ZC4H2: variants seen among roughly 807,000 people sequenced by gnomAD.
The protein encoded by ZC4H2 is zinc finger C4H2 domain-containing protein.
For synonymous variants in ZC4H2, 84 were observed against 66.3 expected (o/e 1.27, Z -1.30); for missense variants, 137 against 173.9 (o/e 0.79, Z 1.19).
chrX:64,928,681 C>CT (rs1449063010), intron 1 of ZC4H2, among the ~76,000 whole-genome samples: 1 of 101,923 alleles, frequency 9.8e-6, no homozygotes, highest in East Asian at 3.1e-4. Context: ...TCTTCTTCTT[C>CT]TTCCTCCTCC....
chrX:65,015,997 C>T (rs1308195288), intron 1 of ZC4H2, among the ~76,000 whole-genome samples: 1 of 111,240 alleles, frequency 9.0e-6, no homozygotes, highest in African/African-American at 3.3e-5. Context: ...GATATATAGC[C>T]AAAAAAGTTC....
At position 65,000,339 on chromosome X, in the gene ZC4H2, G is replaced by T. The variant is rs192000378; in HGVS notation, c.-272+34290C>A. 7.3e-4 allele frequency among the ~76,000 whole-genome samples: 82 copies of T among 111,629 alleles called. 1 individual carries two copies. The East Asian group carries it at 0.022, about 30-fold the overall frequency. On this transcript the variant is annotated intron_variant, in intron 1 of 4. Transcript: ENST00000337990. The stretch of plus-strand genomic sequence containing the variant: ...GATCTCCAGCAAACTCCAGCAGAGG[G>T]GCCTGACTGTTAGAAGGAAAACTAA...
chrX:64,948,548 A>G (rs909690932), intron 1 of ZC4H2, among the ~76,000 whole-genome samples: 3 of 111,849 alleles, frequency 2.7e-5, no homozygotes, highest in African/African-American at 9.7e-5. Flanking sequence ...TCTGGCTAAC[A>G]CATGCATAAA....
chrX:65,013,871 G>GA (rs1394676400), intron 1 of ZC4H2, among the ~76,000 whole-genome samples: 2 of 111,222 alleles, frequency 1.8e-5, no homozygotes, highest in Non-Finnish European at 3.8e-5. Flanking sequence ...AACAATTACA[G>GA]AAAAGAAATG....
intron 1 of ZC4H2, among the ~76,000 whole-genome samples, chrX:64,940,195 C>A (rs1389148224): frequency 8.9e-6 from 1 of 112,002 alleles, no homozygotes; most frequent in Non-Finnish European, 1.9e-5. Flanking sequence ...TTGTTGGCCA[C>A]ATAAATGTCT....
chrX:64,942,026 T>A (rs1198011348), intron 1 of ZC4H2, among the ~76,000 whole-genome samples: 2 of 108,850 alleles, frequency 1.8e-5, no homozygotes, highest in Non-Finnish European at 3.9e-5. Context: ...GGCCCTGGAC[T>A]TTTTTTTGGT....
At chrX:64,966,775 C>T (rs1380290561) in intron 1 of ZC4H2, among the ~76,000 whole-genome samples, 2 of 111,946 alleles carry the variant, frequency 1.8e-5, no homozygotes, top group Non-Finnish European at 3.8e-5. Context: ...AAATATATTA[C>T]AGGTTTCCTG....
intron 1 of ZC4H2, among the ~76,000 whole-genome samples, chrX:64,951,941 G>A (rs1230242090): frequency 8.1e-5 from 9 of 111,288 alleles, no homozygotes; most frequent in South Asian, 7.5e-4. Flanking sequence ...TAGGTCTAAC[G>A]TTTAAGTCTT....
At chrX:65,017,521 T>A (rs919718041) in intron 1 of ZC4H2, among the ~76,000 whole-genome samples, 2 of 111,538 alleles carry the variant, frequency 1.8e-5, no homozygotes, top group Non-Finnish European at 3.8e-5. Flanking sequence ...ATGTACTATG[T>A]AGAAATTGAA....
chrX:64,975,500 C>T (rs1168851906), intron 1 of ZC4H2, among the ~76,000 whole-genome samples: 1 of 112,059 alleles, frequency 8.9e-6, no homozygotes, highest in African/African-American at 3.2e-5. Context: ...GAGCAAAAGC[C>T]AAAGCAGGGG....
chrX:64,922,234 G>T, intron 1 of ZC4H2: 10 of 298,491 alleles, frequency 3.4e-5, no homozygotes, highest in East Asian at 7.5e-5. Context: ...AACATAGTGA[G>T]ACCTTATATC....
At chrX:64,985,166 A>C (rs1278755907) in intron 1 of ZC4H2, among the ~76,000 whole-genome samples, 2 of 112,128 alleles carry the variant, frequency 1.8e-5, no homozygotes, top group African/African-American at 6.5e-5. Context: ...ATATGAGTAC[A>C]GGGGTCTTTT....
chrX:64,948,181 G>C (rs189364307), intron 1 of ZC4H2, among the ~76,000 whole-genome samples: 45 of 111,019 alleles, frequency 4.1e-4, no homozygotes, highest in Non-Finnish European at 6.8e-4. Context: ...TGAGCTCTTT[G>C]AGTTTCTTTG....
chrX:65,005,200 T>C (rs948734023), intron 1 of ZC4H2, among the ~76,000 whole-genome samples: 5 of 111,724 alleles, frequency 4.5e-5, no homozygotes, highest in African/African-American at 1.3e-4. Context: ...CAAGCTACCA[T>C]TGACTTTCTT....
chrX:64,949,859 C>T (rs1930710953), intron 1 of ZC4H2, among the ~76,000 whole-genome samples: 1 of 111,474 alleles, frequency 9.0e-6, no homozygotes, highest in African/African-American at 3.3e-5. Flanking sequence ...CAGTTCTGCT[C>T]TGATCTTAGT....
upstream of ZC4H2, among the ~76,000 whole-genome samples, chrX:64,977,001 G>T (rs959253093): frequency 9.0e-6 from 1 of 110,840 alleles, no homozygotes. Context: ...GAGTGGGTAA[G>T]TACTTCCAGC....
intron 1 of ZC4H2, among the ~76,000 whole-genome samples, chrX:64,924,951 AT>A (rs900586457): frequency 9.0e-6 from 1 of 111,282 alleles, no homozygotes; most frequent in African/African-American, 3.3e-5. Flanking sequence ...TTATCTGATC[AT>A]CTCACTTCAC....
chrX:64,949,675 T>A (rs1410256922), intron 1 of ZC4H2, among the ~76,000 whole-genome samples: 1 of 111,992 alleles, frequency 8.9e-6, no homozygotes, highest in African/African-American at 3.2e-5. Context: ...TTTGTATTTC[T>A]GTGGGATTGG....
chrX:64,936,371 T>G (rs933011953), intron 1 of ZC4H2, among the ~76,000 whole-genome samples: 1 of 111,368 alleles, frequency 9.0e-6, no homozygotes, highest in Non-Finnish European at 1.9e-5. Context: ...CCAGGAGAAC[T>G]TCACTAGCCT....
Sources: gnomAD v4.1 joint callset for allele counts (sites outside exome capture counted in the v4.1 genomes callset) on GRCh38, gnomAD v4.1.1 for gene constraint, MANE v1.5 for transcripts, NCBI Gene and HGNC (gene_info 2026-07-23, HGNC 2026-07-21) for gene names.